SPATA31F1: variants seen among roughly 807,000 people sequenced by gnomAD.
SPATA31F1 encodes SPATA31 subfamily F member 1, also known as protein SPATA31F1.
At chr9:34,726,425 T>A in the SPATA31F1 span, 7 of 1,550,848 alleles carry the variant, frequency 4.5e-6, no homozygotes, top group Non-Finnish European at 6.1e-6. Context: ...GGCCATTGGA[T>A]GCATCCGGTT....
At chr9:34,727,905 A>T in the SPATA31F1 span, 1 of 931,976 alleles carries the variant, frequency 1.1e-6, no homozygotes, top group Non-Finnish European at 1.6e-6. Flanking sequence ...CCCTGCTTCC[A>T]CTGTGTATGT....
At chr9:34,724,998 G>C in the SPATA31F1 span, 3 of 1,552,072 alleles carry the variant, frequency 1.9e-6, no homozygotes, top group Non-Finnish European at 2.6e-6. Context: ...AAAGCCTGTT[G>C]CTGCTGATCA....
At chr9:34,723,266 T>A in the SPATA31F1 span, 1 of 1,551,710 alleles carries the variant, frequency 6.4e-7, no homozygotes, top group Non-Finnish European at 8.7e-7. Context: ...GGCACAAGCC[T>A]CTCGAGGACA....
chr9:34,724,330 C>T, the SPATA31F1 span: 1 of 1,551,214 alleles, frequency 6.4e-7, no homozygotes, highest in Non-Finnish European at 8.7e-7. Context: ...GCTGCACTGC[C>T]TTCAAGTCAT....
the SPATA31F1 span, chr9:34,728,732 A>G: frequency 7.4e-7 from 1 of 1,343,292 alleles, no homozygotes; most frequent in Non-Finnish European, 1.0e-6. Context: ...CAAAACTTAC[A>G]TACATTTTTC....
the SPATA31F1 span, chr9:34,728,798 C>CT: frequency 2.5e-6 from 2 of 791,958 alleles, no homozygotes; most frequent in East Asian, 5.5e-5. Flanking sequence ...CTTCCTTTGC[C>CT]TATTCCACCT....
the SPATA31F1 span, chr9:34,723,578 T>A: frequency 1.3e-6 from 2 of 1,551,688 alleles, no homozygotes; most frequent in African/African-American, 1.4e-5. Context: ...GGGGTTAATA[T>A]GCTGCAGAAA....
the SPATA31F1 span, chr9:34,724,956 G>A: frequency 1.3e-6 from 2 of 1,551,716 alleles, no homozygotes; most frequent in Non-Finnish European, 1.7e-6. Context: ...AAGACTCGGA[G>A]CAGCTTAGGG....
At chr9:34,726,856 A>G in the SPATA31F1 span, 1 of 1,551,806 alleles carries the variant, frequency 6.4e-7, no homozygotes, top group Admixed American at 2.0e-5. Flanking sequence ...GCCCCGATAA[A>G]GTCAGGGAGA....
At chr9:34,728,230 C>G in the SPATA31F1 span, 15 of 661,824 alleles carry the variant, frequency 2.3e-5, no homozygotes, top group Non-Finnish European at 3.9e-5. Context: ...AGTACAGCAT[C>G]GCTGTAACAC....
At chr9:34,725,010 G>A in the SPATA31F1 span, 3 of 1,551,924 alleles carry the variant, frequency 1.9e-6, no homozygotes, top group East Asian at 2.4e-5. Flanking sequence ...TGCTGATCAA[G>A]GGCCGTTGGC....
At chr9:34,724,812 T>C in the SPATA31F1 span, 7 of 1,551,188 alleles carry the variant, frequency 4.5e-6, no homozygotes, top group African/African-American at 4.1e-5. Flanking sequence ...ATCTCTGTGA[T>C]GACAGATTGG....
the SPATA31F1 span, chr9:34,723,212 T>C: frequency 1.3e-6 from 2 of 1,547,118 alleles, no homozygotes; most frequent in African/African-American, 2.7e-5. Context: ...AATGTTTCTA[T>C]CTGAGGTGAG....
the SPATA31F1 span, chr9:34,724,908 G>A: frequency 3.7e-3 from 5,791 of 1,550,448 alleles, 12 homozygotes; most frequent in Non-Finnish European, 4.3e-3. Flanking sequence ...TGCTTGTGCC[G>A]TAAAGTTGTC....
chr9:34,729,234 T>G, the SPATA31F1 span: 1 of 1,524,558 alleles, frequency 6.6e-7, no homozygotes, highest in South Asian at 1.3e-5. Context: ...TAAGAACTTA[T>G]AGGCTTCTTA....
At chr9:34,726,714 T>C in the SPATA31F1 span, 1 of 1,551,606 alleles carries the variant, frequency 6.4e-7, no homozygotes, top group Non-Finnish European at 8.7e-7. Flanking sequence ...TTCTGATCTG[T>C]TAATTGTGAC....
At chr9:34,726,079 G>A in the SPATA31F1 span, 3 of 1,503,544 alleles carry the variant, frequency 2.0e-6, no homozygotes, top group Middle Eastern at 1.7e-4. Context: ...TTTGCTGACA[G>A]TGGTGTCTTT....
chr9:34,725,877 G>T, the SPATA31F1 span: 2 of 1,552,018 alleles, frequency 1.3e-6, no homozygotes, highest in Non-Finnish European at 1.7e-6. Context: ...TCAATCTTGG[G>T]GAGGCCTTGA....
the SPATA31F1 span, chr9:34,729,477 C>A: frequency 2.0e-6 from 3 of 1,517,156 alleles, no homozygotes; most frequent in South Asian, 1.3e-5. Flanking sequence ...TCTCGGAATT[C>A]AGGGTTCTGG....
Sources: allele counts gnomAD v4.1 joint callset, GRCh38; gene constraint gnomAD v4.1.1; transcripts MANE v1.5; gene names NCBI Gene and HGNC (gene_info 2026-07-23, HGNC 2026-07-21).